The following WDR11 variants were observed in gnomAD, a reference collection of about 807,000 sequenced individuals.
WDR11 encodes the protein WD repeat-containing protein 11.
In WDR11, 83 loss-of-function variants were observed where a neutral mutation model predicts 151.2. The observed-to-expected ratio is 0.55, with a 90% CI of 0.46 to 0.66. The LOEUF (loss-of-function observed/expected upper bound fraction) is 0.66. WDR11 is among the 30% of genes least tolerant of loss of function. The probability of loss-of-function intolerance (pLI) is 0.00; values close to 1 mark genes in which losing one functional copy is unlikely to be tolerated. For missense variants in WDR11, 1,301 were observed against 1,480.9 expected, an observed-to-expected ratio of 0.88 and a Z score of 1.99; for synonymous variants, 484 against 533.1, an observed-to-expected ratio of 0.91 and a Z score of 1.27.
intron 11 of WDR11, 84 bp downstream of exon 11, chr10:120,874,007 G>C: frequency 1.2e-6 from 1 of 852,950 alleles, no homozygotes. Flanking sequence ...TGAGTACTCT[G>C]TAATATCTGC....
In WDR11 at chr10:120,883,843, C is replaced by G. The variant is rs146067486; in HGVS notation, c.1803C>G (p.Thr601=). 1.5e-4 allele frequency: 246 copies of G among 1,613,252 alleles called. No homozygotes were observed. The African/African-American group carries it at 2.8e-3, about 19-fold the overall frequency. Residue 601 remains threonine (T), a synonymous_variant, in exon 14 of 29, where the codon ACC becomes ACG. Transcript: ENST00000263461. ...PLELWDVRTC[T]LLREMSKNFP... ...AGCTATGGGATGTTAGGACTTGTAC[C>G]CTTCTTAGAGAGATGTCCAAAAACT...
At position 120,866,708 on chromosome 10, in the gene WDR11, C is replaced by T. The variant is rs773298038; in HGVS notation, c.1134C>T (p.Gly378=). ...ENAAALVVSD[G]RVMIWELKSA... ...CAGCCGCCCTCGTAGTGAGTGATGG[C>T]AGGGTCATGATATGGGAACTCAAGT... is the stretch of plus-strand genomic sequence containing the variant. The change falls in exon 8 of 29, where the codon GGC becomes GGT. Residue 378 remains glycine (G), a synonymous_variant. Coordinates refer to ENST00000263461, the MANE Select transcript of WDR11 (RefSeq NM_018117.12). 6.2e-7 allele frequency: 1 copy of T among 1,614,136 alleles called. No individual in the cohort carries two copies. Among genetic ancestry groups the T allele is most frequent in the East Asian group, 2.2e-5 (1 of 44,884 alleles).
At chr10:120,885,087 A>C (rs2133783344) in intron 14 of WDR11, 1 of 152,252 alleles carries the variant, frequency 6.6e-6, no homozygotes, top group East Asian at 1.9e-4. Flanking sequence ...TCGTAAATGA[A>C]CTTTTGCAAG....
At chr10:120,903,909 G>T in intron 23 of WDR11, 138 bp from the exon 24 acceptor site, 1 of 618,330 alleles carries the variant, frequency 1.6e-6, no homozygotes, top group Non-Finnish European at 2.8e-6. Flanking sequence ...AAATGTTTGG[G>T]GTGCTGTAAA....
chr10:120,908,876 A>G lies in WDR11; in HGVS notation c.*163A>G. ...TGTGCCCAAAAGCACATAAGCATCTATGTTGAGAGTAAGTTTGTATCCTGC... is the reference window on the plus strand; with the variant it reads ...TGTGCCCAAAAGCACATAAGCATCTGTGTTGAGAGTAAGTTTGTATCCTGC... On this transcript the variant is annotated 3_prime_UTR_variant, in exon 29 of 29. Transcript: ENST00000263461. 1.4e-6 allele frequency: 1 copy of G among 733,722 alleles called. No homozygotes were observed. The highest frequency in any genetic ancestry group is 2.7e-5 in the East Asian group (1 of 37,320). The allele number at this position is 733,722 out of a possible 1,614,324, so 45.5% of individuals were successfully genotyped here.
chr10:120,903,197 T>C lies in WDR11; in HGVS notation c.2896T>C (p.Cys966Arg), dbSNP rs752158786. The C allele has an allele frequency of 2.5e-6, 4 of 1,614,218 alleles. No individual in the cohort carries two copies. Among genetic ancestry groups the C allele is most frequent in the Non-Finnish European group, 3.4e-6 (4 of 1,180,040 alleles). ...RDKLSNPLDI[C>R]YDVLCENAYF... is the part of the protein sequence containing the mutation. ...CAAACTGAGCAACCCACTGGATATA[T>C]GCTATGACGTGCTCTGTGAAAATGC... is the stretch of plus-strand genomic sequence containing the variant. The change falls in exon 23 of 29, where the codon TGC becomes CGC. Residue 966 changes from cysteine to arginine, a missense_variant. Around this residue, in one of 3 missense-constraint regions of WDR11, gnomAD observed 589 missense variants for 670.6 expected, o/e 0.88. Coordinates refer to ENST00000263461, the MANE Select transcript of WDR11 (RefSeq NM_018117.12).
At chr10:120,905,850 G>A (rs1414936496) in intron 26 of WDR11, 26 bp from the exon 27 acceptor site, 3 of 1,614,156 alleles carry the variant, frequency 1.9e-6, no homozygotes, top group Admixed American at 1.7e-5. Context: ...GGATGTTTTT[G>A]TTGTTAACAC....
At chr10:120,876,089 C>T (rs762471568) in intron 11 of WDR11, among the ~76,000 whole-genome samples, 1 of 150,502 alleles carries the variant, frequency 6.6e-6, no homozygotes, top group Non-Finnish European at 1.5e-5. Context: ...AGCAATTCTC[C>T]TGCCTCATCC....
intron 19 of WDR11, among the ~76,000 whole-genome samples, chr10:120,892,422 G>A (rs919304630): frequency 6.6e-6 from 1 of 152,108 alleles, no homozygotes; most frequent in African/African-American, 2.4e-5. Flanking sequence ...TTCAAATTCA[G>A]AACAACCCTT....
intron 13 of WDR11, among the ~76,000 whole-genome samples, chr10:120,882,718 A>C (rs1377025905): frequency 6.6e-6 from 1 of 152,028 alleles, no homozygotes; most frequent in Admixed American, 6.6e-5. Context: ...CACTCCTAAT[A>C]TCAGTAAATT....
In WDR11 at chr10:120,860,162, C is replaced by T. The variant is rs764743295; in HGVS notation, c.406C>T (p.His136Tyr). Reference protein sequence around the residue: ...DASRDLLLAIHPPNYIVLWNA... With the variant: ...DASRDLLLAIYPPNYIVLWNA... ...TTCCCGCGATTTACTGCTTGCTATC[C>T]ACCCGCCAAATTACATTGTGCTCTG... is the stretch of plus-strand genomic sequence containing the variant. The change falls in exon 4 of 29, where the codon CAC (histidine) becomes TAC (tyrosine). Residue 136 changes from histidine (H) to tyrosine (Y), a missense_variant. Transcript: ENST00000263461. 6.2e-7 allele frequency: 1 copy of T among 1,614,120 alleles called. No individual in the cohort carries two copies. Among genetic ancestry groups the T allele is most frequent in the Non-Finnish European group, 8.5e-7 (1 of 1,180,028 alleles).
intron 9 of WDR11, among the ~76,000 whole-genome samples, chr10:120,867,982 A>T (rs1846373455): frequency 1.3e-5 from 2 of 152,210 alleles, no homozygotes; most frequent in Non-Finnish European, 2.9e-5. Flanking sequence ...TGCTACTTGA[A>T]ATTATAAGGC....
chr10:120,886,587 A>T lies in WDR11; in HGVS notation c.1974-102A>T, dbSNP rs368845958. The stretch of plus-strand genomic sequence containing the variant: ...CAGACTTTTAAAAAAATAGTTTTGG[A>T]CCTCCTCTTAATGCGTCTGTACTTT... On this transcript the variant is annotated intron_variant, in intron 15 of 28. Coordinates refer to ENST00000263461, the MANE Select transcript of WDR11 (RefSeq NM_018117.12). 6 of 1,427,152 alleles carry T rather than the reference A, an allele frequency of 4.2e-6. No individual in the cohort carries two copies. In the African/African-American group the frequency reaches 7.2e-5, roughly 17 times the overall value. The allele number at this position is 1,427,152 out of a possible 1,614,324, so 88.4% of individuals were successfully genotyped here. A position where few individuals can be genotyped will look rare whatever the true frequency, so the allele number is the denominator to read the frequency against.
At chr10:120,878,859 T>C (rs896578900) in intron 12 of WDR11, 1 of 160,070 alleles carries the variant, frequency 6.2e-6, no homozygotes, top group African/African-American at 2.4e-5. Flanking sequence ...AGGTTAAGGA[T>C]TGTTTTTAAA....
Position 120,904,817 on chromosome 10 carries a change from G to A in WDR11, c.3193+6G>A, listed in dbSNP as rs766409817. ...TGCCAATGGCAAATTGGCAGGTAAG[G>A]CACACTTGATATGTTTGTCATCTCT... On this transcript the variant is annotated splice_donor_region_variant and intron_variant, in intron 25 of 28. Transcript: ENST00000263461. 1.1e-5 allele frequency: 18 copies of A among 1,614,124 alleles called. No individual in the cohort carries two copies. The Admixed American group carries it at 3.0e-4, about 27-fold the overall frequency.
At position 120,866,687 on chromosome 10, in the gene WDR11, C is replaced by T. The variant is rs41287986; in HGVS notation, c.1113C>T (p.Ala371=). Residue 371 remains alanine, a synonymous_variant, in exon 8 of 29, where the codon GCC becomes GCT. Transcript: ENST00000263461. ...MVCCPVNENA[A]ALVVSDGRVM... ...GCTGTCCTGTCAATGAGAATGCAGC[C>T]GCCCTCGTAGTGAGTGATGGCAGGG... The T allele has an allele frequency of 9.8e-4, 1,577 of 1,614,136 alleles. 4 individuals carry two copies. Among genetic ancestry groups the T allele is most frequent in the African/African-American group, 6.3e-3 (474 of 75,022 alleles).
chr10:120,903,314 C>T (rs1363460526), intron 23 of WDR11, 82 bp downstream of exon 23: 1 of 1,525,978 alleles, frequency 6.6e-7, no homozygotes, highest in Non-Finnish European at 9.0e-7. Context: ...ACTTGGGAAA[C>T]TTTCAAACTA....
chr10:120,857,829 A>G (rs11199603), intron 2 of WDR11, among the ~76,000 whole-genome samples: 1,996 of 151,928 alleles, frequency 0.013, 17 homozygotes, highest in Non-Finnish European at 0.018. Context: ...AGAAATGCAA[A>G]CAAAGACCAC....
intron 19 of WDR11, among the ~76,000 whole-genome samples, chr10:120,897,563 A>T (rs1388212905): frequency 1.3e-5 from 2 of 152,234 alleles, no homozygotes; most frequent in African/African-American, 4.8e-5. Context: ...AGTACACAGC[A>T]TCCTTTGTTC....
Sources: allele counts gnomAD v4.1 joint callset (sites outside exome capture counted in the v4.1 genomes callset), GRCh38; gene constraint gnomAD v4.1.1; regional missense constraint gnomAD v4.1.1; transcripts MANE v1.5; gene names NCBI Gene and HGNC (gene_info 2026-07-23, HGNC 2026-07-21).